Variants in CRISPLD2 observed in about 807,000 individuals in gnomAD.
CRISPLD2 encodes the protein cysteine-rich secretory protein LCCL domain-containing 2.
A neutral mutation model predicts 71.1 loss-of-function variants in CRISPLD2; 47 were observed. The ratio of observed to expected loss-of-function variants is 0.66; its 90% confidence interval spans 0.52 to 0.84. The LOEUF is 0.84. Among genes scored for constraint, CRISPLD2 ranks in the 40% least tolerant of loss-of-function variants. CRISPLD2 has a pLI of 0.00. For synonymous variants in CRISPLD2, 317 were observed against 250.1 expected, an observed-to-expected ratio of 1.27 and a Z score of -2.52; for missense variants, 830 against 651.1, an observed-to-expected ratio of 1.27 and a Z score of -2.99.
intron 14 of CRISPLD2, among the ~76,000 whole-genome samples, chr16:84,896,693 C>T (rs1443150480): frequency 6.6e-6 from 1 of 152,168 alleles, no homozygotes. Context: ...GGACTTCTGA[C>T]TTCCGATGGG....
At chr16:84,846,704 C>G (rs556319908) in intron 3 of CRISPLD2, among the ~76,000 whole-genome samples, 3 of 152,280 alleles carry the variant, frequency 2.0e-5, no homozygotes, top group Admixed American at 2.0e-4. Context: ...GGGAAGATGC[C>G]CATTGCCTTC....
intron 11 of CRISPLD2, among the ~76,000 whole-genome samples, chr16:84,876,851 T>C (rs2071523217): frequency 6.6e-6 from 1 of 152,228 alleles, no homozygotes; most frequent in African/African-American, 2.4e-5. Context: ...AGACATGCTG[T>C]CAGAGATCAC....
At chr16:84,896,033 T>G (rs556621401) in intron 14 of CRISPLD2, among the ~76,000 whole-genome samples, 90 of 151,492 alleles carry the variant, frequency 5.9e-4, no homozygotes, top group African/African-American at 2.1e-3. Context: ...AGAACAAGAT[T>G]GGAATCCTTT....
intron 6 of CRISPLD2, 134 bp downstream of exon 6, chr16:84,854,963 T>G: frequency 1.0e-5 from 7 of 694,758 alleles, no homozygotes; most frequent in East Asian, 2.7e-5. Flanking sequence ...TCTCAGCACA[T>G]TCCTCCCGCC....
chr16:84,892,646 G>T (rs13338116), intron 14 of CRISPLD2, among the ~76,000 whole-genome samples: 1 of 152,104 alleles, frequency 6.6e-6, no homozygotes, highest in African/African-American at 2.4e-5. Flanking sequence ...GCATCTTCAA[G>T]ATTTTATACC....
chr16:84,906,445 G>A (rs752285664), intron 14 of CRISPLD2, 143 bp from the exon 15 acceptor site: 8 of 714,528 alleles, frequency 1.1e-5, no homozygotes, highest in East Asian at 2.6e-5. Flanking sequence ...TGTGTCTGGC[G>A]GCTTCAAGGA....
chr16:84,837,820 G>A (rs1008977507), intron 1 of CRISPLD2, among the ~76,000 whole-genome samples: 1 of 152,200 alleles, frequency 6.6e-6, no homozygotes, highest in Non-Finnish European at 1.5e-5. Flanking sequence ...TGTAGGTGCT[G>A]ATGAAGGGTT....
chr16:84,874,023 A>T, intron 11 of CRISPLD2, 60 bp downstream of exon 11: 1 of 1,426,272 alleles, frequency 7.0e-7, no homozygotes, highest in South Asian at 1.2e-5. Context: ...TTTTCCTGGA[A>T]ATTTCACTTC....
chr16:84,900,895 C>A (rs113003847), intron 14 of CRISPLD2, among the ~76,000 whole-genome samples: 1 of 151,710 alleles, frequency 6.6e-6, no homozygotes, highest in Admixed American at 6.6e-5. Flanking sequence ...CTAAAAAATA[C>A]GAAAATTAAC....
At chr16:84,849,647 C>G in intron 4 of CRISPLD2, 130 bp downstream of exon 4, 1 of 963,680 alleles carries the variant, frequency 1.0e-6, no homozygotes, top group South Asian at 1.6e-5. Flanking sequence ...AAATTCAGTT[C>G]TATACAGAGT....
chr16:84,871,062 T>G (rs912217060), intron 8 of CRISPLD2, among the ~76,000 whole-genome samples: 1 of 152,000 alleles, frequency 6.6e-6, no homozygotes, highest in Non-Finnish European at 1.5e-5. Flanking sequence ...GTCTCAAAAA[T>G]TAAAAAATGA....
intron 1 of CRISPLD2, among the ~76,000 whole-genome samples, chr16:84,825,980 G>A (rs1916342411): frequency 6.6e-6 from 1 of 151,946 alleles, no homozygotes; most frequent in Admixed American, 6.6e-5. Flanking sequence ...TGGGTTCCTG[G>A]CCTGGAAGCA....
intron 14 of CRISPLD2, among the ~76,000 whole-genome samples, chr16:84,902,293 C>G (rs945853066): frequency 6.6e-6 from 1 of 151,966 alleles, no homozygotes; most frequent in Non-Finnish European, 1.5e-5. Context: ...TTAGAGTCAG[C>G]AAAGGCTGCA....
intron 11 of CRISPLD2, among the ~76,000 whole-genome samples, chr16:84,875,948 C>G (rs938027783): frequency 3.9e-5 from 6 of 152,130 alleles, no homozygotes; most frequent in Non-Finnish European, 8.8e-5. Flanking sequence ...TGTACTAAAC[C>G]AGTCCCCTTT....
intron 8 of CRISPLD2, among the ~76,000 whole-genome samples, chr16:84,871,876 A>G (rs1408877163): frequency 2.8e-4 from 19 of 68,796 alleles, no homozygotes; most frequent in African/African-American, 1.1e-3. Context: ...ATGAGAAAAA[A>G]AAAAAAAAAA....
At chr16:84,894,029 C>T (rs1286726814) in intron 14 of CRISPLD2, among the ~76,000 whole-genome samples, 2 of 152,210 alleles carry the variant, frequency 1.3e-5, no homozygotes, top group Admixed American at 6.5e-5. Flanking sequence ...CCAAAACCCC[C>T]AAACAGGATT....
At chr16:84,850,307 TCTCAAA>T (rs1247167791) in intron 4 of CRISPLD2, among the ~76,000 whole-genome samples, 1 of 152,058 alleles carries the variant, frequency 6.6e-6, no homozygotes, top group Non-Finnish European at 1.5e-5. Context: ...GTCAGGCTGG[TCTCAAA>T]CTCCTGACCT....
chr16:84,876,844 C>T (rs529981485), intron 11 of CRISPLD2, among the ~76,000 whole-genome samples: 3 of 152,340 alleles, frequency 2.0e-5, no homozygotes, highest in African/African-American at 7.2e-5. Flanking sequence ...TAAATAAAGA[C>T]ATGCTGTCAG....
intron 6 of CRISPLD2, among the ~76,000 whole-genome samples, chr16:84,862,622 C>T (rs149347449): frequency 3.3e-4 from 49 of 150,336 alleles, no homozygotes; most frequent in East Asian, 5.9e-4. Flanking sequence ...GTTATGTCCC[C>T]GATGGGGCAT....
Sources: allele counts gnomAD v4.1 joint callset (sites outside exome capture counted in the v4.1 genomes callset), GRCh38; gene constraint gnomAD v4.1.1; transcripts MANE v1.5; gene names NCBI Gene and HGNC (gene_info 2026-07-23, HGNC 2026-07-21).